Variants in FAT3 observed in about 807,000 individuals in gnomAD.
The protein encoded by FAT3 is FAT atypical cadherin 3.
FAT3 carries 95 observed loss-of-function variants against 310.2 expected under a neutral mutation model. The ratio of observed to expected loss-of-function variants is 0.31; its 90% confidence interval spans 0.26 to 0.36. FAT3 has a LOEUF of 0.36. Ranked by LOEUF, FAT3 falls within the 10% of genes least tolerant of loss-of-function variation. FAT3 has a pLI of 1.00. For synonymous variants in FAT3, 2,314 were observed against 2,192.9 expected (o/e 1.06, Z -1.54); for missense variants, 5,408 against 5,715.6 (o/e 0.95, Z 1.74).
At chr11:92,870,989 C>T (rs1258855950) in intron 22 of FAT3, among the ~76,000 whole-genome samples, 1 of 152,140 alleles carries the variant, frequency 6.6e-6, no homozygotes, top group Non-Finnish European at 1.5e-5. Flanking sequence ...AGTCGGTAGC[C>T]TAGTATCACA....
chr11:92,399,238 A>G (rs972947226), intron 2 of FAT3, among the ~76,000 whole-genome samples: 2 of 152,208 alleles, frequency 1.3e-5, no homozygotes, highest in African/African-American at 4.8e-5. Flanking sequence ...TGTGATTGAT[A>G]TCAGACATCA....
At chr11:92,745,751 C>T (rs1414744352) in intron 4 of FAT3, among the ~76,000 whole-genome samples, 2 of 152,158 alleles carry the variant, frequency 1.3e-5, no homozygotes, top group Non-Finnish European at 2.9e-5. Context: ...TGGGTTTAAA[C>T]ACAGGGAAGA....
rs150744985 is a variant in FAT3, at chr11:92,720,136, G to A, written c.3669+22691G>A. ...GAATTTGAAATACATCTGCTTTCCAGAGATATCCTGAAGGATCTTTTTAAA... is the reference window on the plus strand; with the variant it reads ...GAATTTGAAATACATCTGCTTTCCAAAGATATCCTGAAGGATCTTTTTAAA... On this transcript the variant is annotated intron_variant, in intron 4 of 27. Coordinates refer to ENST00000525166, the MANE Select transcript of FAT3 (RefSeq NM_001367949.2). 7.2e-5 allele frequency among the ~76,000 whole-genome samples: 11 copies of A among 152,298 alleles called. No individual in the cohort carries two copies. In the East Asian group the frequency reaches 1.7e-3, roughly 24 times the overall value.
At chr11:92,673,988 C>T (rs1943209281) in intron 3 of FAT3, among the ~76,000 whole-genome samples, 1 of 152,022 alleles carries the variant, frequency 6.6e-6, no homozygotes, top group South Asian at 2.1e-4. Context: ...CGAGACCAGC[C>T]TGGCCAACAT....
intron 2 of FAT3, among the ~76,000 whole-genome samples, chr11:92,456,752 A>C (rs74468042): frequency 6.6e-6 from 1 of 152,270 alleles, no homozygotes; most frequent in African/African-American, 2.4e-5. Flanking sequence ...AATATTTATC[A>C]GCCATTTATT....
chr11:92,393,298 G>A (rs1387031483), intron 2 of FAT3, among the ~76,000 whole-genome samples: 1 of 152,066 alleles, frequency 6.6e-6, no homozygotes, highest in African/African-American at 2.4e-5. Context: ...ACTGGGGAGA[G>A]GTTCTGTTTT....
At chr11:92,261,590 T>C (rs566635866) in intron 1 of FAT3, among the ~76,000 whole-genome samples, 8 of 152,254 alleles carry the variant, frequency 5.3e-5, no homozygotes, top group African/African-American at 1.9e-4. Context: ...TTAGCTCAGC[T>C]CAGAGTAGCA....
chr11:92,633,758 C>G (rs909287849), intron 3 of FAT3, among the ~76,000 whole-genome samples: 3 of 152,064 alleles, frequency 2.0e-5, no homozygotes, highest in African/African-American at 7.2e-5. Flanking sequence ...CATTGTCAAC[C>G]CCCTTTACAA....
At chr11:92,552,435 CT>C (rs1954851587) in intron 3 of FAT3, among the ~76,000 whole-genome samples, 1 of 151,964 alleles carries the variant, frequency 6.6e-6, no homozygotes, top group South Asian at 2.1e-4. Flanking sequence ...TTTTCAAAAT[CT>C]TATAGAGAAA....
intron 7 of FAT3, among the ~76,000 whole-genome samples, chr11:92,776,443 G>A (rs938229465): frequency 6.6e-6 from 1 of 152,206 alleles, no homozygotes; most frequent in Non-Finnish European, 1.5e-5. Flanking sequence ...TATCTTTAGA[G>A]TTCACACCAT....
intron 4 of FAT3, among the ~76,000 whole-genome samples, chr11:92,721,020 G>A (rs1944843759): frequency 6.6e-6 from 1 of 152,064 alleles, no homozygotes; most frequent in Admixed American, 6.6e-5. Flanking sequence ...GTGGTTTATT[G>A]CACACATCAT....
At chr11:92,265,317 C>T (rs1945906598) in intron 1 of FAT3, among the ~76,000 whole-genome samples, 1 of 151,832 alleles carries the variant, frequency 6.6e-6, no homozygotes. Context: ...TATTACGCTG[C>T]CGTATGGTTT....
chr11:92,877,753 C>A (rs889344217), intron 22 of FAT3, among the ~76,000 whole-genome samples: 4 of 152,156 alleles, frequency 2.6e-5, no homozygotes, highest in African/African-American at 9.7e-5. Context: ...GTAAAGAAAT[C>A]ATCTCATTTG....
At chr11:92,376,567 G>C (rs1487257680) in intron 2 of FAT3, among the ~76,000 whole-genome samples, 1 of 152,180 alleles carries the variant, frequency 6.6e-6, no homozygotes, top group Non-Finnish European at 1.5e-5. Flanking sequence ...TGTTGCAGGG[G>C]AATATTTCCT....
chr11:92,633,726 A>G (rs921336817), intron 3 of FAT3, among the ~76,000 whole-genome samples: 33 of 152,226 alleles, frequency 2.2e-4, no homozygotes, highest in African/African-American at 8.0e-4. Flanking sequence ...GAAATGTATC[A>G]CTTCATAAAT....
intron 8 of FAT3, among the ~76,000 whole-genome samples, chr11:92,791,292 G>T (rs921605493): frequency 6.6e-6 from 1 of 152,118 alleles, no homozygotes; most frequent in African/African-American, 2.4e-5. Context: ...CAAAGTTCCT[G>T]CACCCTAGGA....
chr11:92,567,478 C>T (rs532786814), intron 3 of FAT3, among the ~76,000 whole-genome samples: 5 of 149,370 alleles, frequency 3.3e-5, no homozygotes, highest in Non-Finnish European at 6.0e-5. Context: ...GTCAGTGTGG[C>T]GATTCCTCAG....
intron 4 of FAT3, among the ~76,000 whole-genome samples, chr11:92,754,337 G>A (rs1184546148): frequency 6.6e-6 from 1 of 151,778 alleles, no homozygotes; most frequent in African/African-American, 2.4e-5. Flanking sequence ...TTAAAAAGAA[G>A]GAAATCGGCC....
intron 3 of FAT3, among the ~76,000 whole-genome samples, chr11:92,650,967 T>C (rs945307673): frequency 1.3e-5 from 2 of 152,240 alleles, no homozygotes; most frequent in Admixed American, 1.3e-4. Context: ...TCATCAGTAA[T>C]GCAGCTTGCT....
Sources: allele counts gnomAD v4.1 joint callset (sites outside exome capture counted in the v4.1 genomes callset), GRCh38; gene constraint gnomAD v4.1.1; transcripts MANE v1.5; gene names NCBI Gene and HGNC (gene_info 2026-07-23, HGNC 2026-07-21).